The following PHACTR1 variants were observed in gnomAD, a reference collection of about 807,000 sequenced individuals.
The protein encoded by PHACTR1 is phosphatase and actin regulator 1.
A neutral mutation model predicts 69.2 loss-of-function variants in PHACTR1; 16 were observed. That is an observed-to-expected ratio of 0.23 (90% CI 0.16 to 0.35). The LOEUF is 0.35. Ranked by LOEUF, PHACTR1 falls within the 10% of genes least tolerant of loss-of-function variation. The pLI is 1.00. For synonymous variants in PHACTR1, 312 were observed against 284.5 expected (o/e 1.10, Z -0.97); for missense variants, 510 against 734.7 (o/e 0.69, Z 3.54).
At chr6:12,904,266 G>A (rs964408006) in intron 4 of PHACTR1, among the ~76,000 whole-genome samples, 2 of 151,752 alleles carry the variant, frequency 1.3e-5, no homozygotes, top group African/African-American at 2.4e-5. Flanking sequence ...TACTCATTAC[G>A]GCCGGGTGCA....
rs1761923645 is a variant in PHACTR1, at chr6:13,179,703, GATA to G, written c.497-2815_497-2813del. On this transcript the variant is annotated intron_variant, in intron 6 of 14. Coordinates refer to ENST00000332995, the MANE Select transcript of PHACTR1 (RefSeq NM_030948.6). This position sits in a 1 kb window ranked among gnomAD's most constrained non-coding sequence, Gnocchi z 4.2. ...GTAGGTAGATAGATAAGTAGATAGA[GATA>G]GATAGATAGATAGATAGATAGATAG... is the stretch of plus-strand genomic sequence containing the variant. Among the ~76,000 whole-genome samples the G allele has an allele frequency of 5.8e-4, 2 of 3,426 alleles. No individual in the cohort carries two copies. Among genetic ancestry groups the G allele is most frequent in the African/African-American group, 6.8e-4 (2 of 2,962 alleles). The allele number at this position is 3,426 out of a possible 152,430, so 2.2% of individuals were successfully genotyped here.
chr6:12,967,213 A>C (rs2127576277), intron 4 of PHACTR1, among the ~76,000 whole-genome samples: 1 of 152,336 alleles, frequency 6.6e-6, no homozygotes, highest in Non-Finnish European at 1.5e-5. Flanking sequence ...ACAATACATA[A>C]AACTCTTATC....
intron 4 of PHACTR1, among the ~76,000 whole-genome samples, chr6:13,036,245 A>G (rs1803292097): frequency 6.6e-6 from 1 of 152,182 alleles, no homozygotes; most frequent in African/African-American, 2.4e-5. Context: ...TCCAAATCCT[A>G]TCCCTATGCA....
intron 11 of PHACTR1, chr6:13,273,411 T>C (rs202053): frequency 0.78 from 119,604 of 153,192 alleles, 47,504 homozygotes; most frequent in Non-Finnish European, 0.86. Flanking sequence ...CATTTCCAAG[T>C]GAAGTGCTTC....
intron 6 of PHACTR1, among the ~76,000 whole-genome samples, chr6:13,165,265 C>T (rs1190075817): frequency 6.6e-6 from 1 of 151,994 alleles, no homozygotes; most frequent in African/African-American, 2.4e-5. Flanking sequence ...AATGTTAAAC[C>T]AATTAATGGT....
chr6:12,835,980 T>A (rs1406903865), intron 4 of PHACTR1, among the ~76,000 whole-genome samples: 6 of 152,154 alleles, frequency 3.9e-5, no homozygotes, highest in Non-Finnish European at 7.4e-5. Flanking sequence ...TAAAAAAAAA[T>A]TTAAATCCTC....
At chr6:12,885,435 C>T (rs758548923) in intron 4 of PHACTR1, among the ~76,000 whole-genome samples, 50 of 152,208 alleles carry the variant, frequency 3.3e-4, no homozygotes, top group Non-Finnish European at 6.5e-4. Flanking sequence ...CAAAGAATTC[C>T]TATTATCTGG....
chr6:12,997,947 C>T (rs1439563805), intron 4 of PHACTR1, among the ~76,000 whole-genome samples: 2 of 151,678 alleles, frequency 1.3e-5, no homozygotes, highest in South Asian at 2.1e-4. Flanking sequence ...AGCCAGACTC[C>T]GTCTCAAAGA....
At chr6:13,019,724 G>A (rs1800694032) in intron 4 of PHACTR1, among the ~76,000 whole-genome samples, 1 of 152,118 alleles carries the variant, frequency 6.6e-6, no homozygotes, top group African/African-American at 2.4e-5. Flanking sequence ...TTTGTCTAAA[G>A]GAGATAAAAA....
intron 4 of PHACTR1, among the ~76,000 whole-genome samples, chr6:12,876,307 T>C (rs1233831186): frequency 6.6e-6 from 1 of 152,244 alleles, no homozygotes; most frequent in Admixed American, 6.5e-5. Flanking sequence ...ATATTAATTA[T>C]GTAATCTTCA....
chr6:13,204,370 G>A (rs146135532), intron 7 of PHACTR1, among the ~76,000 whole-genome samples: 2 of 152,004 alleles, frequency 1.3e-5, no homozygotes, highest in East Asian at 3.9e-4. Context: ...GAACTGCGTG[G>A]TGCTCCCCAA....
At chr6:12,986,532 C>T (rs1010949156) in intron 4 of PHACTR1, among the ~76,000 whole-genome samples, 1 of 152,136 alleles carries the variant, frequency 6.6e-6, no homozygotes, top group African/African-American at 2.4e-5. Flanking sequence ...ATTATTCCCC[C>T]CAGTGTTTGT....
intron 5 of PHACTR1, among the ~76,000 whole-genome samples, chr6:13,137,978 C>A (rs973749165): frequency 1.3e-5 from 2 of 152,158 alleles, no homozygotes; most frequent in Non-Finnish European, 2.9e-5. Context: ...CAACCATTGT[C>A]AAAGAGAAAG....
chr6:12,798,665 G>T (rs544829224), intron 4 of PHACTR1, among the ~76,000 whole-genome samples: 1 of 152,208 alleles, frequency 6.6e-6, no homozygotes, highest in South Asian at 2.1e-4. Context: ...GTGGTGACTT[G>T]TCCTGTATGC....
intron 7 of PHACTR1, among the ~76,000 whole-genome samples, chr6:13,191,817 G>A (rs554120740): frequency 2.0e-5 from 3 of 152,182 alleles, no homozygotes; most frequent in Non-Finnish European, 4.4e-5. Context: ...AGAACGAATG[G>A]GGGAGTTAGC....
intron 4 of PHACTR1, among the ~76,000 whole-genome samples, chr6:12,995,922 T>C (rs1420717521): frequency 6.6e-6 from 1 of 152,082 alleles, no homozygotes; most frequent in Non-Finnish European, 1.5e-5. Context: ...AAGCTATATA[T>C]GTGTCAAAGA....
chr6:12,876,429 C>T (rs776993031), intron 4 of PHACTR1, among the ~76,000 whole-genome samples: 4 of 152,178 alleles, frequency 2.6e-5, no homozygotes, highest in African/African-American at 9.7e-5. Flanking sequence ...AGTTAAGAGA[C>T]TTATCCAAGG....
chr6:13,228,008 A>T lies in PHACTR1; in HGVS notation c.1179A>T (p.Thr393=). 1 of 1,614,008 alleles carries T rather than the reference A, an allele frequency of 6.2e-7. No individual in the cohort carries two copies. The highest frequency in any genetic ancestry group is 1.3e-5 in the African/African-American group (1 of 75,048). The stretch of plus-strand genomic sequence containing the variant: ...ACGAAGACTCTTCTTGCCTGTATAC[A>T]AGAGAAGAGGAGGAAGAGGAGGAGG... ...SDYEDSSCLY[T]REEEEEEEDE... is the part of the protein sequence containing the mutation. Residue 393 remains threonine, a synonymous_variant, in exon 9 of 15, where the codon ACA becomes ACT. Transcript: ENST00000332995.
At chr6:12,897,076 A>G (rs1320772204) in intron 4 of PHACTR1, among the ~76,000 whole-genome samples, 3 of 152,206 alleles carry the variant, frequency 2.0e-5, no homozygotes, top group Admixed American at 6.5e-5. Flanking sequence ...TTTCCCCAGC[A>G]GGGATGATCA....
Sources: allele counts gnomAD v4.1 joint callset (sites outside exome capture counted in the v4.1 genomes callset), GRCh38; gene constraint gnomAD v4.1.1; non-coding constraint Gnocchi (gnomAD v3.1); transcripts MANE v1.5; gene names NCBI Gene and HGNC (gene_info 2026-07-23, HGNC 2026-07-21).